SHISA9: variants seen among roughly 807,000 people sequenced by gnomAD.
The protein encoded by SHISA9 is protein shisa-9.
In SHISA9, 13 loss-of-function variants were observed where a neutral mutation model predicts 38.0. That is an observed-to-expected ratio of 0.34 (90% CI 0.22 to 0.54). The LOEUF (loss-of-function observed/expected upper bound fraction) is 0.54. Ranked by LOEUF, SHISA9 falls within the 20% of genes least tolerant of loss-of-function variation. The pLI, the probability that SHISA9 is intolerant of heterozygous loss-of-function variation, is 0.91. For missense variants in SHISA9, 538 were observed against 575.8 expected (o/e 0.93, Z 0.67); for synonymous variants, 275 against 242.0 (o/e 1.14, Z -1.27).
At chr16:13,055,431 A>T (rs999888059) in intron 2 of SHISA9, among the ~76,000 whole-genome samples, 5 of 152,116 alleles carry the variant, frequency 3.3e-5, no homozygotes, top group African/African-American at 1.2e-4. Flanking sequence ...ATGCATAGTA[A>T]ACTCCACCTA....
intron 2 of SHISA9, among the ~76,000 whole-genome samples, chr16:12,999,700 G>A (rs544435925): frequency 3.9e-5 from 6 of 152,182 alleles, no homozygotes; most frequent in Non-Finnish European, 5.9e-5. Context: ...ATGGCACCAG[G>A]GTGAGTTTAT....
chr16:13,337,218 T>C, the SHISA9 span, among the ~76,000 whole-genome samples: 3 of 152,140 alleles, frequency 2.0e-5, no homozygotes, highest in Non-Finnish European at 4.4e-5. Flanking sequence ...GCTCCCATAA[T>C]TCCCTTGTGT....
chr16:13,025,703 A>C (rs1390826220), intron 2 of SHISA9, among the ~76,000 whole-genome samples: 1 of 150,966 alleles, frequency 6.6e-6, no homozygotes, highest in African/African-American at 2.4e-5. Context: ...TCACATGCTG[A>C]CCTCCTTCTT....
chr16:13,151,898 AC>A (rs2142005103), intron 2 of SHISA9, among the ~76,000 whole-genome samples: 1 of 152,272 alleles, frequency 6.6e-6, no homozygotes, highest in East Asian at 1.9e-4. Context: ...AGGGAGTCAG[AC>A]TTTTTATCTC....
chr16:13,533,681 G>T, the SHISA9 span, among the ~76,000 whole-genome samples: 42 of 151,612 alleles, frequency 2.8e-4, no homozygotes, highest in African/African-American at 9.9e-4. Flanking sequence ...TCTTCTTCAA[G>T]GATATCACTG....
At chr16:13,352,848 C>G in the SHISA9 span, among the ~76,000 whole-genome samples, 1 of 151,874 alleles carries the variant, frequency 6.6e-6, no homozygotes, top group South Asian at 2.1e-4. Flanking sequence ...AGGAAAAGGA[C>G]TTTCACAAGG....
the SHISA9 span, among the ~76,000 whole-genome samples, chr16:13,391,561 C>T: frequency 3.3e-5 from 5 of 152,086 alleles, no homozygotes; most frequent in African/African-American, 9.7e-5. Context: ...TGGCTGGGTT[C>T]GGGGGGAGTT....
the SHISA9 span, among the ~76,000 whole-genome samples, chr16:13,431,993 A>G: frequency 4.7e-4 from 71 of 152,342 alleles, 1 homozygote; most frequent in East Asian, 2.9e-3. Flanking sequence ...CCCCGGAGGC[A>G]GAGGTTGCAG....
intron 2 of SHISA9, among the ~76,000 whole-genome samples, chr16:13,085,321 A>G (rs1174201061): frequency 6.6e-6 from 1 of 152,010 alleles, no homozygotes; most frequent in Non-Finnish European, 1.5e-5. Flanking sequence ...GGAAGAGCTA[A>G]TAGTATTTTG....
chr16:13,448,606 T>C, the SHISA9 span, among the ~76,000 whole-genome samples: 18 of 152,344 alleles, frequency 1.2e-4, no homozygotes, highest in East Asian at 2.9e-3. Flanking sequence ...TCCTGATATG[T>C]CCTCCCTACT....
intron 2 of SHISA9, among the ~76,000 whole-genome samples, chr16:13,093,332 G>T (rs141317351): frequency 6.6e-6 from 1 of 152,140 alleles, no homozygotes; most frequent in African/African-American, 2.4e-5. Flanking sequence ...TGGTGATCTT[G>T]GTCCAGTTGC....
the SHISA9 span, among the ~76,000 whole-genome samples, chr16:13,482,399 C>G: frequency 1.3e-5 from 2 of 152,228 alleles, no homozygotes; most frequent in African/African-American, 4.8e-5. Context: ...CGGTATTCAC[C>G]ATGCCATGTG....
chr16:12,970,950 C>T (rs956883426), intron 2 of SHISA9, among the ~76,000 whole-genome samples: 5 of 152,066 alleles, frequency 3.3e-5, no homozygotes, highest in African/African-American at 1.2e-4. Context: ...GGGAGGCACT[C>T]GCAAAGTATT....
chr16:13,025,309 C>T (rs1054812313), intron 2 of SHISA9, among the ~76,000 whole-genome samples: 5 of 152,188 alleles, frequency 3.3e-5, no homozygotes, highest in African/African-American at 1.2e-4. Context: ...CCTACAAATT[C>T]TCAGGACACA....
chr16:12,957,482 A>G (rs771444135), intron 2 of SHISA9, among the ~76,000 whole-genome samples: 11 of 152,174 alleles, frequency 7.2e-5, no homozygotes, highest in Non-Finnish European at 1.3e-4. Flanking sequence ...GTGTCCTCAC[A>G]TGGCAGGGAG....
chr16:13,139,476 T>A (rs2050381002), intron 2 of SHISA9, among the ~76,000 whole-genome samples: 1 of 148,978 alleles, frequency 6.7e-6, no homozygotes. Context: ...CTCTCTTCCT[T>A]CCTTCCTGTC....
the SHISA9 span, among the ~76,000 whole-genome samples, chr16:13,442,623 A>G: frequency 6.6e-6 from 1 of 152,288 alleles, no homozygotes; most frequent in Non-Finnish European, 1.5e-5. Context: ...CATTTAAAAA[A>G]ATCCTGCAAT....
the SHISA9 span, among the ~76,000 whole-genome samples, chr16:13,260,007 C>CTTTTTTTTTTTTTTTTTTTTTTTTTT: frequency 1.2e-4 from 7 of 60,446 alleles, 2 homozygotes; most frequent in African/African-American, 4.0e-4. Context: ...TTCTTTCTTT[C>CTTTTTTTTTTTTTTTTTTTTTTTTTT]TTTTTTTTTT....
chr16:13,335,468 G>GC, the SHISA9 span, among the ~76,000 whole-genome samples: 1 of 152,210 alleles, frequency 6.6e-6, no homozygotes, highest in African/African-American at 2.4e-5. Context: ...AAACAAAGGT[G>GC]CCCATATAAC....
Sources: allele counts gnomAD v4.1 joint callset (sites outside exome capture counted in the v4.1 genomes callset), GRCh38; gene constraint gnomAD v4.1.1; transcripts MANE v1.5; gene names NCBI Gene and HGNC (gene_info 2026-07-23, HGNC 2026-07-21).